STARD10: variants seen among roughly 807,000 people sequenced by gnomAD.
The protein encoded by STARD10 is START domain-containing protein 10.
STARD10 carries 24 observed loss-of-function variants against 36.0 expected under a neutral mutation model. The observed-to-expected ratio is 0.67, with a 90% confidence interval of 0.48 to 0.94. The LOEUF (loss-of-function observed/expected upper bound fraction) is 0.94. Ranked by LOEUF, STARD10 falls within the 40% of genes least tolerant of loss-of-function variation. STARD10 has a pLI of 0.00. For synonymous variants in STARD10, 156 were observed against 161.9 expected (o/e 0.96, Z 0.28); for missense variants, 335 against 396.6 (o/e 0.84, Z 1.32).
chr11:72,757,974 C>T (rs1858666614), intron 4 of STARD10, 90 bp from the exon 5 acceptor site: 2 of 1,079,252 alleles, frequency 1.9e-6, no homozygotes, highest in Non-Finnish European at 2.9e-6. Flanking sequence ...CGCGCACACA[C>T]ACATACAGTT....
At position 72,760,470 on chromosome 11, in the gene STARD10, C is replaced by CCTGCCT. The variant is rs1318630534; in HGVS notation, c.208-1095_208-1090dup. Among the ~76,000 whole-genome samples, 37 of 152,334 alleles carry CCTGCCT rather than the reference C, an allele frequency of 2.4e-4. 1 individual carries two copies. Among genetic ancestry groups the CCTGCCT allele is most frequent in the African/African-American group, 8.7e-4 (36 of 41,574 alleles). ...CTCTAACTCCTGACCTTGTGATCCA[C>CCTGCCT]CTGCCTCTGCCTCCAAAAGTGCTGG... is the stretch of plus-strand genomic sequence containing the variant. On this transcript the variant is annotated intron_variant, in intron 2 of 6. Transcript: ENST00000334805.
At chr11:72,764,730 G>A (rs931843044) in intron 2 of STARD10, among the ~76,000 whole-genome samples, 9 of 152,232 alleles carry the variant, frequency 5.9e-5, no homozygotes, top group African/African-American at 2.2e-4. Context: ...TGAGTCTCTG[G>A]AGAGCACCAG....
chr11:72,763,526 G>A (rs7103836), intron 2 of STARD10, among the ~76,000 whole-genome samples: 2 of 152,152 alleles, frequency 1.3e-5, no homozygotes, highest in East Asian at 3.9e-4. Flanking sequence ...CTCTGCCACA[G>A]AGACATAACA....
rs1042120063 is a variant in STARD10, at chr11:72,781,927, A to C, written c.-113-633T>G. On this transcript the variant is annotated intron_variant, in intron 1 of 6. Coordinates refer to ENST00000334805, the MANE Select transcript of STARD10 (RefSeq NM_006645.3). This position sits in a 1 kb window ranked among gnomAD's most constrained non-coding sequence, Gnocchi z 4.7. ...GGATCTCCGAGCCCCGCCCCGCCCC[A>C]CCCCGCAGGGTCCTAGCGCCCGCCC... 6.7e-6 allele frequency: 1 copy of C among 149,150 alleles called. No homozygotes were observed. Among genetic ancestry groups the C allele is most frequent in the African/African-American group, 2.5e-5 (1 of 40,256 alleles). The allele number at this position is 149,150 out of a possible 1,614,324, so 9.2% of individuals were successfully genotyped here.
At chr11:72,762,390 G>A (rs1430960921) in intron 2 of STARD10, among the ~76,000 whole-genome samples, 2 of 151,980 alleles carry the variant, frequency 1.3e-5, no homozygotes, top group Non-Finnish European at 2.9e-5. Context: ...CAGCGCTCTG[G>A]GATATTGGCC....
At chr11:72,771,649 C>G (rs1591267420) in intron 2 of STARD10, among the ~76,000 whole-genome samples, 1 of 152,140 alleles carries the variant, frequency 6.6e-6, no homozygotes, top group Non-Finnish European at 1.5e-5. Flanking sequence ...TGCTCTGCCT[C>G]TTTCCCCCTT....
At chr11:72,785,060 A>T (rs1859054378) in intron 1 of STARD10, among the ~76,000 whole-genome samples, 1 of 152,104 alleles carries the variant, frequency 6.6e-6, no homozygotes, top group African/African-American at 2.4e-5. Context: ...AAAGAGTCAC[A>T]CCAGACTTTT....
At chr11:72,780,177 G>T (rs1858974079) in intron 2 of STARD10, 1 of 449,834 alleles carries the variant, frequency 2.2e-6, no homozygotes, top group South Asian at 1.6e-5. Context: ...ACGAGCCCCT[G>T]CCCCATCTGG....
intron 2 of STARD10, among the ~76,000 whole-genome samples, chr11:72,771,363 A>G (rs1224942278): frequency 6.6e-6 from 1 of 152,156 alleles, no homozygotes; most frequent in Non-Finnish European, 1.5e-5. Context: ...GACACAGAGC[A>G]CAGTGGTGTG....
Position 72,754,933 on chromosome 11 carries a change from G to A in STARD10, c.840C>T (p.Gly280=). 6.2e-7 allele frequency: 1 copy of A among 1,600,822 alleles called. No homozygotes were observed. The highest frequency in any genetic ancestry group is 2.2e-5 in the East Asian group (1 of 44,468). ...AGGTGTCGTCGTCGCTGCCCTCGCCGCCCGCGCCGCCCATCCGCTCCTCTC... is the reference window on the plus strand; with the variant it reads ...AGGTGTCGTCGTCGCTGCCCTCGCCACCCGCGCCGCCCATCCGCTCCTCTC... ...ESREERMGGA[G]GEGSDDDTSL... The change falls in exon 7 of 7, where the codon GGC becomes GGT. Residue 280 remains glycine, a synonymous_variant. Coordinates refer to ENST00000334805, the MANE Select transcript of STARD10 (RefSeq NM_006645.3).
chr11:72,756,941 C>T (rs1408728544), intron 5 of STARD10, among the ~76,000 whole-genome samples: 1 of 151,916 alleles, frequency 6.6e-6, no homozygotes, highest in Admixed American at 6.6e-5. Flanking sequence ...GTCAGGAGTT[C>T]GAGACCAGGC....
At chr11:72,756,304 G>A (rs1858643216) in intron 5 of STARD10, among the ~76,000 whole-genome samples, 1 of 152,156 alleles carries the variant, frequency 6.6e-6, no homozygotes, top group Admixed American at 6.5e-5. Flanking sequence ...GGAGTGCTAG[G>A]CCTGGACCAC....
chr11:72,787,524 T>C (rs1215634696), intron 1 of STARD10, among the ~76,000 whole-genome samples: 1 of 152,176 alleles, frequency 6.6e-6, no homozygotes, highest in Non-Finnish European at 1.5e-5. Context: ...TGGATTCTCC[T>C]TCCGGAGGGT....
chr11:72,788,172 C>T (rs764411375), intron 1 of STARD10, among the ~76,000 whole-genome samples: 1 of 152,120 alleles, frequency 6.6e-6, no homozygotes, highest in Non-Finnish European at 1.5e-5. Context: ...AGGGACCATA[C>T]GCTGGGACAT....
intron 1 of STARD10, among the ~76,000 whole-genome samples, chr11:72,785,115 C>G (rs926597737): frequency 6.6e-6 from 1 of 152,138 alleles, no homozygotes; most frequent in Admixed American, 6.5e-5. Context: ...GTCAGGGCAC[C>G]TGCCTGGAGC....
At chr11:72,782,650 C>T (rs1320719189) in intron 1 of STARD10, 1 of 152,338 alleles carries the variant, frequency 6.6e-6, no homozygotes, top group Non-Finnish European at 1.5e-5. Flanking sequence ...TCTGGGCTCT[C>T]TTACCTCCCC....
Position 72,793,685 on chromosome 11 carries a change from G to T in STARD10, c.-924C>A, listed in dbSNP as rs1323309159. On this transcript the variant is annotated 5_prime_UTR_variant, in exon 1 of 7. Coordinates refer to ENST00000334805, the MANE Select transcript of STARD10 (RefSeq NM_006645.3). ...CTTCGCTCAGGCGCCCCCACGTGTC[G>T]ATCCCGAGACTCTCGGCTTGCGCAG... 1 of 152,236 alleles carries T rather than the reference G, an allele frequency of 6.6e-6. No homozygotes were observed. Among genetic ancestry groups the T allele is most frequent in the Non-Finnish European group, 1.5e-5 (1 of 68,046 alleles). The allele number at this position is 152,236 out of a possible 1,614,324, so 9.4% of individuals were successfully genotyped here.
intron 1 of STARD10, among the ~76,000 whole-genome samples, chr11:72,787,627 C>T (rs925112342): frequency 6.6e-6 from 1 of 152,226 alleles, no homozygotes; most frequent in Non-Finnish European, 1.5e-5. Context: ...GAACTCAGTT[C>T]GATTGCGGGG....
chr11:72,777,814 G>C (rs1189095206), intron 2 of STARD10, among the ~76,000 whole-genome samples: 2 of 152,212 alleles, frequency 1.3e-5, no homozygotes, highest in Admixed American at 6.5e-5. Flanking sequence ...TGAGGAAGAG[G>C]AATTGAATCA....
Sources: gnomAD v4.1 joint callset for allele counts (sites outside exome capture counted in the v4.1 genomes callset) on GRCh38, gnomAD v4.1.1 for gene constraint, Gnocchi (gnomAD v3.1) non-coding constraint, MANE v1.5 for transcripts, NCBI Gene and HGNC (gene_info 2026-07-23, HGNC 2026-07-21) for gene names.